The following EPHA6 variants were observed in gnomAD, a reference collection of about 807,000 sequenced individuals.
The protein encoded by EPHA6 is ephrin type-A receptor 6.
In EPHA6, 50 loss-of-function variants were observed where a neutral mutation model predicts 112.0. The ratio of observed to expected loss-of-function variants is 0.45; its 90% confidence interval spans 0.36 to 0.56. The LOEUF (loss-of-function observed/expected upper bound fraction) is 0.56, where lower values mean the gene tolerates loss of function less well. EPHA6 is among the 20% of genes least tolerant of loss of function. The pLI, the probability that EPHA6 is intolerant of heterozygous loss-of-function variation, is 0.00. For synonymous variants in EPHA6, 529 were observed against 490.7 expected, an observed-to-expected ratio of 1.08 and a Z score of -1.03; for missense variants, 1,280 against 1,417.4, an observed-to-expected ratio of 0.90 and a Z score of 1.56.
chr3:96,874,700 C>G (rs1458244787), intron 2 of EPHA6, among the ~76,000 whole-genome samples: 1 of 152,064 alleles, frequency 6.6e-6, no homozygotes, highest in East Asian at 1.9e-4. Flanking sequence ...CAATGACTGA[C>G]CAGCTCCTGT....
intron 5 of EPHA6, among the ~76,000 whole-genome samples, chr3:97,347,333 T>A (rs1042410564): frequency 6.6e-6 from 1 of 152,148 alleles, no homozygotes; most frequent in Non-Finnish European, 1.5e-5. Context: ...ACCTTATCAA[T>A]TGATACTAAC....
chr3:97,720,211 T>G, intron 14 of EPHA6, 50 bp from the exon 15 acceptor site: 1 of 1,451,726 alleles, frequency 6.9e-7, no homozygotes, highest in Non-Finnish European at 9.1e-7. Flanking sequence ...TACCATTTTG[T>G]TTTTAATACA....
At chr3:96,954,106 T>A (rs1402046318) in intron 2 of EPHA6, among the ~76,000 whole-genome samples, 4 of 152,082 alleles carry the variant, frequency 2.6e-5, no homozygotes, top group Non-Finnish European at 5.9e-5. Flanking sequence ...ACTCCTGGGC[T>A]CAAGTAATCC....
chr3:97,565,663 C>G (rs2093253858), intron 11 of EPHA6, among the ~76,000 whole-genome samples: 1 of 152,032 alleles, frequency 6.6e-6, no homozygotes, highest in Non-Finnish European at 1.5e-5. Context: ...AATTTTAGCT[C>G]TTGTATTAGT....
At chr3:97,232,556 G>A (rs2078560125) in intron 4 of EPHA6, among the ~76,000 whole-genome samples, 1 of 152,162 alleles carries the variant, frequency 6.6e-6, no homozygotes, top group South Asian at 2.1e-4. Context: ...GTTAGCAGTG[G>A]CAAATCTAAC....
At chr3:97,446,374 T>C (rs2090346871) in intron 6 of EPHA6, among the ~76,000 whole-genome samples, 1 of 152,176 alleles carries the variant, frequency 6.6e-6, no homozygotes, top group Non-Finnish European at 1.5e-5. Flanking sequence ...AGGTACACTT[T>C]TGTAGGTAAC....
At chr3:97,222,476 TG>T (rs1170825806) in intron 3 of EPHA6, among the ~76,000 whole-genome samples, 1 of 152,214 alleles carries the variant, frequency 6.6e-6, no homozygotes, top group African/African-American at 2.4e-5. Flanking sequence ...ATGTATTTTT[TG>T]CATTAGGAGT....
At chr3:96,883,784 C>T (rs2037461480) in intron 2 of EPHA6, among the ~76,000 whole-genome samples, 1 of 152,106 alleles carries the variant, frequency 6.6e-6, no homozygotes, top group Non-Finnish European at 1.5e-5. Flanking sequence ...CTCCCTGCCT[C>T]AGCCTCCCAA....
At chr3:97,208,723 G>A (rs143306584) in intron 3 of EPHA6, among the ~76,000 whole-genome samples, 8 of 151,906 alleles carry the variant, frequency 5.3e-5, no homozygotes, top group African/African-American at 1.9e-4. Flanking sequence ...CTCCAGCCTG[G>A]GTGACAGAGC....
At chr3:96,954,326 C>T (rs536178274) in intron 2 of EPHA6, among the ~76,000 whole-genome samples, 1 of 152,300 alleles carries the variant, frequency 6.6e-6, no homozygotes, top group African/African-American at 2.4e-5. Context: ...CCAAAATATT[C>T]TCAAAAGCCT....
intron 2 of EPHA6, among the ~76,000 whole-genome samples, chr3:96,895,343 T>A (rs2038210308): frequency 6.6e-6 from 1 of 152,148 alleles, no homozygotes; most frequent in African/African-American, 2.4e-5. Flanking sequence ...TGAACAGCTA[T>A]CCCATGTTTG....
intron 11 of EPHA6, among the ~76,000 whole-genome samples, chr3:97,544,601 C>G (rs2092918163): frequency 6.6e-6 from 1 of 152,124 alleles, no homozygotes; most frequent in African/African-American, 2.4e-5. Context: ...ATGATGCTGG[C>G]CCATAAAATG....
chr3:97,364,309 G>A (rs1002057457), intron 5 of EPHA6, among the ~76,000 whole-genome samples: 1 of 150,076 alleles, frequency 6.7e-6, no homozygotes, highest in Non-Finnish European at 1.5e-5. Context: ...GGTAGAACCT[G>A]TTAGTGTTAC....
chr3:96,925,538 T>C (rs1038153727), intron 2 of EPHA6, among the ~76,000 whole-genome samples: 1 of 152,120 alleles, frequency 6.6e-6, no homozygotes, highest in South Asian at 2.1e-4. Flanking sequence ...TAGTCTTCTT[T>C]ATTAGTCTAG....
chr3:97,369,060 G>T (rs1272798688), intron 5 of EPHA6, among the ~76,000 whole-genome samples: 1 of 152,182 alleles, frequency 6.6e-6, no homozygotes, highest in African/African-American at 2.4e-5. Context: ...GAAGAAACAT[G>T]TGCAATGTCC....
At chr3:96,985,098 T>A (rs2042968360) in intron 2 of EPHA6, among the ~76,000 whole-genome samples, 1 of 152,080 alleles carries the variant, frequency 6.6e-6, no homozygotes, top group African/African-American at 2.4e-5. Flanking sequence ...ATGAACCCGG[T>A]ACCTCAGTTG....
chr3:96,991,002 T>G (rs1431419814), intron 3 of EPHA6, among the ~76,000 whole-genome samples: 1 of 152,140 alleles, frequency 6.6e-6, no homozygotes, highest in Non-Finnish European at 1.5e-5. Flanking sequence ...TATTGATTTT[T>G]TTTTAGAGAC....
At chr3:97,630,825 C>T (rs143224390) in intron 13 of EPHA6, among the ~76,000 whole-genome samples, 273 of 152,094 alleles carry the variant, frequency 1.8e-3, no homozygotes, top group African/African-American at 6.1e-3. Flanking sequence ...CTACCTATTT[C>T]GTCATGTCTT....
chr3:97,652,936 C>T (rs2094116646), intron 14 of EPHA6, among the ~76,000 whole-genome samples: 3 of 151,752 alleles, frequency 2.0e-5, no homozygotes, highest in South Asian at 2.1e-4. Flanking sequence ...TGAAAACTTC[C>T]ATATTAATAG....
Sources: allele counts gnomAD v4.1 joint callset (sites outside exome capture counted in the v4.1 genomes callset), GRCh38; gene constraint gnomAD v4.1.1; transcripts MANE v1.5; gene names NCBI Gene and HGNC (gene_info 2026-07-23, HGNC 2026-07-21).